The following IFT80 variants were observed in gnomAD, a reference collection of about 807,000 sequenced individuals.
IFT80 encodes the protein intraflagellar transport 80.
Under a neutral mutation model 107.9 loss-of-function variants are expected in IFT80, and 79 were observed. That is an observed-to-expected ratio of 0.73 (90% CI 0.61 to 0.88). The LOEUF is 0.88. Among genes scored for constraint, IFT80 ranks in the 40% least tolerant of loss-of-function variants. The pLI is 0.00. For synonymous variants in IFT80, 299 were observed against 300.9 expected (o/e 0.99, Z 0.07); for missense variants, 797 against 914.2 (o/e 0.87, Z 1.65).
intron 19 of IFT80, among the ~76,000 whole-genome samples, chr3:160,260,691 G>A (rs183562502): frequency 2.8e-4 from 42 of 152,292 alleles, no homozygotes; most frequent in Non-Finnish European, 5.3e-4. Context: ...AATGTTCTCT[G>A]ATAGTTGTCA....
chr3:160,297,749 A>C (rs1156673016), intron 12 of IFT80, among the ~76,000 whole-genome samples: 1 of 152,124 alleles, frequency 6.6e-6, no homozygotes, highest in Non-Finnish European at 1.5e-5. Context: ...AGCTATGCAA[A>C]CTAATAAACT....
At chr3:160,384,982 A>G (rs1032703611) in intron 1 of IFT80, among the ~76,000 whole-genome samples, 4 of 152,230 alleles carry the variant, frequency 2.6e-5, no homozygotes, top group African/African-American at 7.2e-5. Flanking sequence ...TTGCAAATCA[A>G]TTTTGGTCCT....
intron 8 of IFT80, among the ~76,000 whole-genome samples, chr3:160,323,040 A>G (rs1287401150): frequency 6.6e-6 from 1 of 151,790 alleles, no homozygotes; most frequent in Non-Finnish European, 1.5e-5. Context: ...CTTTAGTTTA[A>G]TTAGATCCCA....
intron 2 of IFT80, chr3:160,384,245 C>A (rs1200204975): frequency 0.026 from 4,467 of 174,700 alleles, no homozygotes; most frequent in East Asian, 0.07. Flanking sequence ...GACTCTGTCT[C>A]AAAAAAAAAA....
At chr3:160,310,913 A>C (rs1007921459) in intron 9 of IFT80, among the ~76,000 whole-genome samples, 2 of 152,148 alleles carry the variant, frequency 1.3e-5, no homozygotes, top group African/African-American at 2.4e-5. Context: ...AGGTGGGCAG[A>C]GTTCGAAACC....
intron 8 of IFT80, among the ~76,000 whole-genome samples, chr3:160,334,780 T>C (rs186500185): frequency 6.6e-6 from 1 of 151,614 alleles, no homozygotes; most frequent in African/African-American, 2.4e-5. Context: ...GTTTATTTTT[T>C]AGTCTTCTTG....
chr3:160,330,913 G>C (rs568512976), intron 8 of IFT80, among the ~76,000 whole-genome samples: 1 of 152,238 alleles, frequency 6.6e-6, no homozygotes, highest in East Asian at 1.9e-4. Flanking sequence ...ACAGGGATAG[G>C]TTCCAAGACC....
At position 160,311,376 on chromosome 3, in the gene IFT80, T is replaced by C. The variant is rs79548990; in HGVS notation, c.958-3595A>G. Among the ~76,000 whole-genome samples, 493 of 152,254 alleles carry C rather than the reference T, an allele frequency of 3.2e-3. 1 individual carries two copies. The highest frequency in any genetic ancestry group is 0.011 in the African/African-American group (461 of 41,560). On this transcript the variant is annotated intron_variant, in intron 9 of 19. Transcript: ENST00000326448. ...CTAGAAAAATATATTTAGAAAATAA[T>C]TGGAGAAATGTGATCTGTTACTGTA...
intron 19 of IFT80, among the ~76,000 whole-genome samples, chr3:160,260,568 T>C (rs1347848148): frequency 6.6e-6 from 1 of 152,222 alleles, no homozygotes; most frequent in Non-Finnish European, 1.5e-5. Flanking sequence ...ATAGCTGTCC[T>C]ACTGAAAATA....
At chr3:160,353,253 G>T (rs1487058055) in intron 8 of IFT80, among the ~76,000 whole-genome samples, 1 of 151,826 alleles carries the variant, frequency 6.6e-6, no homozygotes, top group Non-Finnish European at 1.5e-5. Context: ...ATACTCAATT[G>T]CCAACCTCAC....
chr3:160,302,640 T>C (rs1716527581), intron 11 of IFT80, among the ~76,000 whole-genome samples: 1 of 152,086 alleles, frequency 6.6e-6, no homozygotes, highest in Non-Finnish European at 1.5e-5. Flanking sequence ...AATACATTTA[T>C]AAATAATGTA....
intron 9 of IFT80, among the ~76,000 whole-genome samples, chr3:160,316,456 G>A (rs1717827467): frequency 6.6e-6 from 1 of 152,132 alleles, no homozygotes; most frequent in Non-Finnish European, 1.5e-5. Context: ...CACAGAAAAT[G>A]AGAGATAATA....
chr3:160,359,167 A>G (rs929774610), intron 6 of IFT80, among the ~76,000 whole-genome samples: 80 of 152,318 alleles, frequency 5.3e-4, no homozygotes, highest in African/African-American at 1.9e-3. Flanking sequence ...GATAATTTGC[A>G]TGAAGTTACT....
rs774453399 is a variant in IFT80, at chr3:160,346,005, G to A, written c.777+10008C>T. ...GCCTGCATCAAAACATCTCATATAC[G>A]CCATAAATATCTGCACCTACTGTGT... On this transcript the variant is annotated intron_variant, in intron 8 of 19. Coordinates refer to ENST00000326448, the MANE Select transcript of IFT80 (RefSeq NM_020800.3). 8.5e-5 allele frequency among the ~76,000 whole-genome samples: 13 copies of A among 152,088 alleles called. 1 individual carries two copies. The highest frequency in any genetic ancestry group is 3.4e-3 in the Middle Eastern group (1 of 294).
intron 9 of IFT80, among the ~76,000 whole-genome samples, chr3:160,312,017 G>A (rs573085277): frequency 4.5e-4 from 68 of 152,254 alleles, no homozygotes; most frequent in South Asian, 8.3e-4. Context: ...TCCTGACCTC[G>A]TGATCCACCT....
At chr3:160,322,670 T>C (rs1416389247) in intron 8 of IFT80, among the ~76,000 whole-genome samples, 3 of 152,062 alleles carry the variant, frequency 2.0e-5, no homozygotes, top group Non-Finnish European at 4.4e-5. Context: ...AAAGTGTTCC[T>C]ATTTCTCCAC....
intron 3 of IFT80, among the ~76,000 whole-genome samples, chr3:160,378,647 A>T (rs1005879458): frequency 1.4e-5 from 2 of 147,136 alleles, no homozygotes; most frequent in Non-Finnish European, 3.0e-5. Context: ...TATAAAATTT[A>T]AAAAAAAAAA....
chr3:160,297,795 C>A (rs1165719654), intron 12 of IFT80, among the ~76,000 whole-genome samples: 2 of 151,918 alleles, frequency 1.3e-5, no homozygotes, highest in African/African-American at 4.8e-5. Flanking sequence ...CTTTTTCTGA[C>A]TATATATATA....
chr3:160,285,875 A>C lies in IFT80; in HGVS notation c.1316-7T>G, dbSNP rs1205733264. 1 of 1,603,570 alleles carries C rather than the reference A, an allele frequency of 6.2e-7. No homozygotes were observed. On this transcript the variant is annotated splice_region_variant and splice_polypyrimidine_tract_variant and intron_variant, in intron 12 of 19. Coordinates refer to ENST00000326448, the MANE Select transcript of IFT80 (RefSeq NM_020800.3). ...GCCTCAAAGAGGAAGATTACTTGAA[A>C]AAAAGTAGAACATTAATTAATGTGT...
Sources: allele counts gnomAD v4.1 joint callset (sites outside exome capture counted in the v4.1 genomes callset), GRCh38; gene constraint gnomAD v4.1.1; transcripts MANE v1.5; gene names NCBI Gene and HGNC (gene_info 2026-07-23, HGNC 2026-07-21).